The following FAM135B variants were observed in gnomAD, a reference collection of about 807,000 sequenced individuals.
The protein encoded by FAM135B is family with sequence similarity 135 member B.
In FAM135B, 43 loss-of-function variants were observed where a neutral mutation model predicts 127.7. That is an observed-to-expected ratio of 0.34 (90% CI 0.26 to 0.43). The LOEUF (loss-of-function observed/expected upper bound fraction) is 0.43. FAM135B is among the 20% of genes least tolerant of loss of function. The pLI, the probability that FAM135B is intolerant of heterozygous loss-of-function variation, is 1.00. For missense variants in FAM135B, 1,558 were observed against 1,725.6 expected, an observed-to-expected ratio of 0.90 and a Z score of 1.72; for synonymous variants, 670 against 665.1, an observed-to-expected ratio of 1.01 and a Z score of -0.11.
chr8:138,388,525 C>T (rs1396549172), intron 1 of FAM135B, among the ~76,000 whole-genome samples: 1 of 152,046 alleles, frequency 6.6e-6, no homozygotes, highest in East Asian at 1.9e-4. Flanking sequence ...ATAAATAAAC[C>T]ACTGTCTATC....
chr8:138,197,870 TTA>T (rs1382774701), intron 7 of FAM135B, among the ~76,000 whole-genome samples: 19 of 152,302 alleles, frequency 1.2e-4, no homozygotes, highest in Admixed American at 1.2e-3. Flanking sequence ...AATTGCTTCT[TTA>T]TCCCTCCAGG....
At chr8:138,228,241 A>G (rs577730971) in intron 7 of FAM135B, among the ~76,000 whole-genome samples, 66 of 147,040 alleles carry the variant, frequency 4.5e-4, no homozygotes, top group Non-Finnish European at 8.3e-4. Context: ...CATCAGAATC[A>G]TGGGGTAATA....
At position 138,242,341 on chromosome 8, in the gene FAM135B, A is replaced by G. The variant is rs1820874226; in HGVS notation, c.669+601T>C. 1.3e-5 allele frequency among the ~76,000 whole-genome samples: 2 copies of G among 152,050 alleles called. No individual in the cohort carries two copies. The highest frequency in any genetic ancestry group is 1.5e-5 in the Non-Finnish European group (1 of 68,024). ...GCTTGGGAGAAATATGAGCAGAATC[A>G]TACCCTGTGTGGTTAAAGCCCTGCA... On this transcript the variant is annotated intron_variant, in intron 7 of 19. Coordinates refer to ENST00000395297, the MANE Select transcript of FAM135B (RefSeq NM_015912.4). This position sits in a 1 kb window ranked among gnomAD's most constrained non-coding sequence, Gnocchi z 9.6.
At chr8:138,297,275 C>A (rs756987118) in intron 3 of FAM135B, among the ~76,000 whole-genome samples, 1 of 152,150 alleles carries the variant, frequency 6.6e-6, no homozygotes, top group Non-Finnish European at 1.5e-5. Flanking sequence ...ATATTAATTC[C>A]GTGACAAGGG....
chr8:138,467,536 C>T (rs531479342), intron 1 of FAM135B, among the ~76,000 whole-genome samples: 10 of 152,294 alleles, frequency 6.6e-5, no homozygotes, highest in African/African-American at 2.2e-4. Context: ...TTCCATTGGA[C>T]AGTATTGCCT....
intron 3 of FAM135B, among the ~76,000 whole-genome samples, chr8:138,299,844 T>C (rs1256181361): frequency 6.6e-6 from 1 of 152,090 alleles, no homozygotes; most frequent in Non-Finnish European, 1.5e-5. Flanking sequence ...TGAAAACACG[T>C]GTTGTAGAAA....
chr8:138,164,325 G>C (rs1404265964), intron 12 of FAM135B, among the ~76,000 whole-genome samples: 1 of 152,154 alleles, frequency 6.6e-6, no homozygotes, highest in Non-Finnish European at 1.5e-5. Context: ...AGAGAGACCC[G>C]CCTCTGAGAG....
chr8:138,209,884 T>C (rs1359617578), intron 7 of FAM135B, among the ~76,000 whole-genome samples: 1 of 152,196 alleles, frequency 6.6e-6, no homozygotes, highest in East Asian at 1.9e-4. Context: ...AAAGCCAAGC[T>C]CTTTATCCCA....
chr8:138,272,644 T>C (rs1362382949), intron 3 of FAM135B, among the ~76,000 whole-genome samples: 4 of 152,250 alleles, frequency 2.6e-5, no homozygotes, highest in Admixed American at 2.6e-4. Context: ...CAGCACTTGA[T>C]AACACTTTAT....
At position 138,290,473 on chromosome 8, in the gene FAM135B, T is replaced by C. The variant is rs564378000; in HGVS notation, c.157+20368A>G. 4.3e-4 allele frequency among the ~76,000 whole-genome samples: 65 copies of C among 152,240 alleles called. 1 individual carries two copies. In the South Asian group the frequency reaches 9.1e-3, roughly 21 times the overall value. ...ACTTTTGCCTTTTTTCTTCCTGAAATGTTAGGGTATGTGTGTATGTGTGTG... is the reference window on the plus strand; with the variant it reads ...ACTTTTGCCTTTTTTCTTCCTGAAACGTTAGGGTATGTGTGTATGTGTGTG... On this transcript the variant is annotated intron_variant, in intron 3 of 19. Coordinates refer to ENST00000395297, the MANE Select transcript of FAM135B (RefSeq NM_015912.4).
chr8:138,307,662 G>A (rs1826364102), intron 3 of FAM135B, among the ~76,000 whole-genome samples: 1 of 150,280 alleles, frequency 6.7e-6, no homozygotes, highest in African/African-American at 2.4e-5. Context: ...ACTATGCTAG[G>A]GGCTTTGTCA....
intron 1 of FAM135B, chr8:138,459,605 TTC>T (rs1438355706): frequency 1.3e-5 from 2 of 152,242 alleles, no homozygotes; most frequent in Non-Finnish European, 2.9e-5. Context: ...TGGTCAGTTT[TTC>T]TCTGTCTCAT....
intron 1 of FAM135B, among the ~76,000 whole-genome samples, chr8:138,461,026 G>A (rs1837090794): frequency 1.3e-5 from 2 of 152,130 alleles, no homozygotes; most frequent in African/African-American, 2.4e-5. Flanking sequence ...CACAGCAAAG[G>A]GAACCGGTGA....
intron 12 of FAM135B, among the ~76,000 whole-genome samples, chr8:138,160,553 TC>T (rs1230145335): frequency 6.7e-5 from 6 of 89,944 alleles, no homozygotes; most frequent in Admixed American, 1.3e-4. Context: ...CATGCCCAGC[TC>T]ATTTTTTTTT....
chr8:138,450,144 T>C (rs1347711751), intron 1 of FAM135B, among the ~76,000 whole-genome samples: 1 of 152,234 alleles, frequency 6.6e-6, no homozygotes, highest in Non-Finnish European at 1.5e-5. Flanking sequence ...GCAATATGCA[T>C]TTAAGTTTCC....
chr8:138,136,580 A>C (rs1268235168), intron 19 of FAM135B, among the ~76,000 whole-genome samples: 2 of 152,178 alleles, frequency 1.3e-5, no homozygotes, highest in African/African-American at 4.8e-5. Context: ...TAAAAGCTAA[A>C]AACATGTTTT....
At chr8:138,262,509 C>T (rs1822606465) in intron 4 of FAM135B, among the ~76,000 whole-genome samples, 1 of 152,094 alleles carries the variant, frequency 6.6e-6, no homozygotes, top group Non-Finnish European at 1.5e-5. Context: ...AAGGTATTAA[C>T]TTGAGTCCAG....
At chr8:138,153,493 C>A (rs1818385180) in intron 12 of FAM135B, among the ~76,000 whole-genome samples, 1 of 152,148 alleles carries the variant, frequency 6.6e-6, no homozygotes, top group East Asian at 1.9e-4. Context: ...CGGGGCATCA[C>A]CTCACCCAGG....
chr8:138,194,748 T>G (rs75982628), intron 9 of FAM135B, among the ~76,000 whole-genome samples: 5,268 of 152,294 alleles, frequency 0.035, 172 homozygotes, highest in African/African-American at 0.084. Flanking sequence ...GATGTAAAAG[T>G]GTTCCAGAGA....
Sources: allele counts gnomAD v4.1 joint callset (sites outside exome capture counted in the v4.1 genomes callset), GRCh38; gene constraint gnomAD v4.1.1; non-coding constraint Gnocchi (gnomAD v3.1); transcripts MANE v1.5; gene names NCBI Gene and HGNC (gene_info 2026-07-23, HGNC 2026-07-21).